The following PPP1R9A variants were observed in gnomAD, a reference collection of about 807,000 sequenced individuals.
PPP1R9A encodes the protein protein phosphatase 1 regulatory subunit 9A.
Under a neutral mutation model 141.9 loss-of-function variants are expected in PPP1R9A, and 59 were observed. The ratio of observed to expected loss-of-function variants is 0.42; its 90% CI spans 0.34 to 0.52. The LOEUF is 0.52. Among genes scored for constraint, PPP1R9A ranks in the 20% least tolerant of loss-of-function variants. The pLI, the probability that PPP1R9A is intolerant of heterozygous loss-of-function variation, is 0.10. For missense variants in PPP1R9A, 1,444 were observed against 1,611.9 expected (o/e 0.90, Z 1.78); for synonymous variants, 500 against 569.7 (o/e 0.88, Z 1.74).
At chr7:94,922,328 G>A (rs1792952640) in intron 2 of PPP1R9A, among the ~76,000 whole-genome samples, 1 of 151,886 alleles carries the variant, frequency 6.6e-6, no homozygotes, top group South Asian at 2.1e-4. Flanking sequence ...AGTTTGGTAG[G>A]TGAAAATAAC....
intron 12 of PPP1R9A, among the ~76,000 whole-genome samples, chr7:95,263,407 T>G (rs1800727170): frequency 7.3e-6 from 1 of 137,758 alleles, no homozygotes; most frequent in Non-Finnish European, 1.6e-5. Context: ...AGTATATCTT[T>G]CCAGTTTGTT....
intron 2 of PPP1R9A, among the ~76,000 whole-genome samples, chr7:95,095,188 A>T (rs1025866618): frequency 5.8e-4 from 88 of 152,150 alleles, no homozygotes; most frequent in Admixed American, 9.2e-4. Context: ...GCTGCATTTG[A>T]TTTTTTGCTT....
At chr7:95,268,820 G>A in intron 13 of PPP1R9A, 113 bp downstream of exon 13, 1 of 1,257,920 alleles carries the variant, frequency 7.9e-7, no homozygotes. Flanking sequence ...TAGTTGGTAA[G>A]CAGCTAGAAT....
intron 5 of PPP1R9A, among the ~76,000 whole-genome samples, chr7:95,193,744 G>C (rs992468688): frequency 2.6e-5 from 4 of 152,048 alleles, no homozygotes; most frequent in Non-Finnish European, 5.9e-5. Flanking sequence ...ATCTCTCACA[G>C]GGTCTTTCTT....
At chr7:95,215,045 A>G (rs1428167006) in intron 7 of PPP1R9A, among the ~76,000 whole-genome samples, 1 of 151,986 alleles carries the variant, frequency 6.6e-6, no homozygotes, top group Non-Finnish European at 1.5e-5. Context: ...ATATGTATAC[A>G]TGTGCCATGT....
In PPP1R9A at chr7:95,268,760, C is replaced by G. The variant is rs956413904; in HGVS notation, c.2823+53C>G. ...TGTACTGTTGGAGTATATCATTGTT[C>G]CTACAGCTTATTGAAGATTATGATT... On this transcript the variant is annotated intron_variant, in intron 13 of 19. Coordinates refer to ENST00000433360, the MANE Select transcript of PPP1R9A (RefSeq NM_001166160.2). 4 of 1,572,978 alleles carry G rather than the reference C, an allele frequency of 2.5e-6. No homozygotes were observed. In the Admixed American group the frequency reaches 7.3e-5, roughly 29 times the overall value.
At position 95,252,074 on chromosome 7, in the gene PPP1R9A, A is replaced by T; in HGVS notation, c.2609A>T (p.Asp870Val). The change falls in exon 12 of 20, where the codon GAT becomes GTT. Residue 870 changes from aspartate to valine, a missense_variant. Asp to Val is a radical substitution (Grantham distance 152). Coordinates refer to ENST00000433360, the MANE Select transcript of PPP1R9A (RefSeq NM_001166160.2). ...RTSLGEVSKG[D>V]TMENLDGKQT... The stretch of plus-strand genomic sequence containing the variant: ...TCTCTTGGTGAAGTCTCTAAAGGGG[A>T]TACCATGGAGAACTTGGATGGCAAG... The T allele has an allele frequency of 6.2e-7, 1 of 1,610,826 alleles. No individual in the cohort carries two copies. Among genetic ancestry groups the T allele is most frequent in the Non-Finnish European group, 8.5e-7 (1 of 1,178,980 alleles).
At chr7:95,121,451 GTCTGTCTGTCTATCTATCTA>G (rs1822560267) in intron 4 of PPP1R9A, among the ~76,000 whole-genome samples, 3 of 125,318 alleles carry the variant, frequency 2.4e-5, no homozygotes, top group South Asian at 2.7e-4. Flanking sequence ...TTGTCTGTCT[GTCTGTCTGTCTATCTATCTA>G]TCTATCTATC....
intron 2 of PPP1R9A, among the ~76,000 whole-genome samples, chr7:94,952,662 A>G (rs1047455635): frequency 3.2e-4 from 49 of 152,120 alleles, no homozygotes; most frequent in Admixed American, 3.1e-3. Context: ...CTGGCATGAG[A>G]TGGTATCTCA....
intron 19 of PPP1R9A, among the ~76,000 whole-genome samples, chr7:95,288,998 C>T (rs1226396732): frequency 1.3e-5 from 2 of 152,166 alleles, no homozygotes; most frequent in African/African-American, 2.4e-5. Flanking sequence ...ACTCTCCTTA[C>T]ATCTGATGTA....
At chr7:95,017,604 G>T (rs1805285121) in intron 2 of PPP1R9A, among the ~76,000 whole-genome samples, 1 of 152,040 alleles carries the variant, frequency 6.6e-6, no homozygotes, top group Non-Finnish European at 1.5e-5. Context: ...AAACTGAGAA[G>T]CTGATTATAA....
chr7:95,154,640 C>T (rs1363546678), intron 4 of PPP1R9A: 1 of 152,012 alleles, frequency 6.6e-6, no homozygotes, highest in East Asian at 1.9e-4. Context: ...AATTCAGAGA[C>T]TTCTAAATTT....
Position 95,291,167 on chromosome 7 carries a change from C to A in PPP1R9A, c.*864C>A, listed in dbSNP as rs1806301531. ...AAACACAACACAGTTCCTCTTCCCC[C>A]TACCTAACCCAAGAAATTGAACAGG... On this transcript the variant is annotated 3_prime_UTR_variant, in exon 20 of 20. Coordinates refer to ENST00000433360, the MANE Select transcript of PPP1R9A (RefSeq NM_001166160.2). 1.3e-5 allele frequency: 2 copies of A among 152,136 alleles called. No homozygotes were observed. The highest frequency in any genetic ancestry group is 6.5e-5 in the Admixed American group (1 of 15,276). 9.4% of individuals were successfully genotyped at this position (152,136 alleles called of 1,614,324 possible).
At chr7:95,143,745 T>C (rs1011227631) in intron 4 of PPP1R9A, among the ~76,000 whole-genome samples, 1 of 152,184 alleles carries the variant, frequency 6.6e-6, no homozygotes, top group African/African-American at 2.4e-5. Flanking sequence ...GGCATTATTA[T>C]CTAGCAAGTA....
At chr7:95,214,262 G>A (rs189765917) in intron 7 of PPP1R9A, 20 of 152,372 alleles carry the variant, frequency 1.3e-4, no homozygotes, top group African/African-American at 4.1e-4. Flanking sequence ...GTTAGCCAGA[G>A]CCGTGGTCAT....
intron 13 of PPP1R9A, 139 bp downstream of exon 13, chr7:95,268,846 C>A: frequency 1.0e-6 from 1 of 981,058 alleles, no homozygotes; most frequent in Non-Finnish European, 1.4e-6. Context: ...ACGTCTTTGT[C>A]TCCTGAATTC....
At chr7:95,159,977 G>A (rs1176252752) in intron 4 of PPP1R9A, among the ~76,000 whole-genome samples, 1 of 150,102 alleles carries the variant, frequency 6.7e-6, no homozygotes. Flanking sequence ...CTCAAATATA[G>A]CACAATGCTA....
chr7:95,065,582 T>G (rs951100481), intron 2 of PPP1R9A, among the ~76,000 whole-genome samples: 4 of 152,192 alleles, frequency 2.6e-5, no homozygotes, highest in Non-Finnish European at 5.9e-5. Context: ...AAAATGGAAT[T>G]GTCTGTTGTG....
intron 2 of PPP1R9A, among the ~76,000 whole-genome samples, chr7:95,109,994 T>G (rs1368104357): frequency 6.6e-6 from 1 of 152,110 alleles, no homozygotes; most frequent in Admixed American, 6.5e-5. Context: ...TGAAGAAACA[T>G]GGTAGAGACC....
Sources: allele counts gnomAD v4.1 joint callset (sites outside exome capture counted in the v4.1 genomes callset), GRCh38; gene constraint gnomAD v4.1.1; transcripts MANE v1.5; gene names NCBI Gene and HGNC (gene_info 2026-07-23, HGNC 2026-07-21).